Variants in RABGAP1L observed in about 807,000 individuals in gnomAD.
RABGAP1L encodes the protein rab GTPase-activating protein 1-like.
A neutral mutation model predicts 137.7 loss-of-function variants in RABGAP1L; 63 were observed. That is an observed-to-expected ratio of 0.46 (90% CI 0.37 to 0.56). The LOEUF (loss-of-function observed/expected upper bound fraction) is 0.56. Among genes scored for constraint, RABGAP1L ranks in the 20% least tolerant of loss-of-function variants. RABGAP1L has a pLI of 0.00. For missense variants in RABGAP1L, 1,095 were observed against 1,244.0 expected, an observed-to-expected ratio of 0.88 and a Z score of 1.80; for synonymous variants, 431 against 433.7, an observed-to-expected ratio of 0.99 and a Z score of 0.08.
intron 15 of RABGAP1L, among the ~76,000 whole-genome samples, chr1:174,689,275 G>A (rs1486555367): frequency 1.3e-5 from 2 of 151,862 alleles, no homozygotes; most frequent in Non-Finnish European, 2.9e-5. Flanking sequence ...ACCTATTACA[G>A]ATTCCAGAGT....
chr1:174,892,524 C>T lies in RABGAP1L; in HGVS notation c.2341-64933C>T, dbSNP rs920136344. ...TTACTGGTTTTCACAAAAGTTTCTC[C>T]AAGTTTCAATAGTCTTAGCTTTGAA... On this transcript the variant is annotated intron_variant, in intron 19 of 25. Coordinates refer to ENST00000681986, the MANE Select transcript of RABGAP1L (RefSeq NM_001366446.1). 1.2e-5 allele frequency: 6 copies of T among 510,252 alleles called. No individual in the cohort carries two copies. The African/African-American group carries it at 1.2e-4, about 10-fold the overall frequency. The allele number at this position is 510,252 out of a possible 1,614,324, so 31.6% of individuals were successfully genotyped here.
chr1:174,756,772 G>T (rs576745602), intron 18 of RABGAP1L: 2 of 432,396 alleles, frequency 4.6e-6, no homozygotes, highest in Middle Eastern at 8.2e-4. Context: ...CTTTTCCTTT[G>T]TTGAGGACAG....
intron 14 of RABGAP1L, among the ~76,000 whole-genome samples, chr1:174,665,369 C>T (rs1297762840): frequency 6.6e-6 from 1 of 151,576 alleles, no homozygotes; most frequent in African/African-American, 2.4e-5. Flanking sequence ...TTCCTTCTTC[C>T]TTTTCTTTTC....
At chr1:174,256,707 G>A (rs1311172668) in intron 7 of RABGAP1L, among the ~76,000 whole-genome samples, 1 of 152,174 alleles carries the variant, frequency 6.6e-6, no homozygotes, top group Non-Finnish European at 1.5e-5. Context: ...CTTGAACCCG[G>A]GAAGTGGTGG....
intron 17 of RABGAP1L, among the ~76,000 whole-genome samples, chr1:174,711,515 TGG>T (rs754245315): frequency 5.3e-5 from 8 of 152,202 alleles, no homozygotes; most frequent in Middle Eastern, 6.8e-3. Flanking sequence ...CTGCTGGCCC[TGG>T]GCAGTGAGGT....
intron 1 of RABGAP1L, among the ~76,000 whole-genome samples, chr1:174,174,383 T>C (rs1665668937): frequency 1.3e-5 from 2 of 152,332 alleles, no homozygotes; most frequent in South Asian, 4.1e-4. Flanking sequence ...ATATGTCCTG[T>C]ATAGTATATA....
intron 19 of RABGAP1L, among the ~76,000 whole-genome samples, chr1:174,923,645 G>C (rs1413378314): frequency 1.3e-5 from 2 of 152,140 alleles, no homozygotes. Context: ...CACTTTGGGA[G>C]CCCAGGCGGG....
At chr1:174,460,164 G>A (rs1328412039) in intron 13 of RABGAP1L, among the ~76,000 whole-genome samples, 5 of 152,036 alleles carry the variant, frequency 3.3e-5, no homozygotes, top group African/African-American at 1.2e-4. Context: ...AAAAGGATGA[G>A]TTATAGCAAA....
At position 174,460,648 on chromosome 1, in the gene RABGAP1L, T is replaced by G. The variant is rs950855289; in HGVS notation, c.1710+66503T>G. ...TTGCCAAATTGGTTTCCCAAAGGAG[T>G]GATCCAGTTTATCTTCACACTAATA... On this transcript the variant is annotated intron_variant, in intron 13 of 25. Coordinates refer to ENST00000681986, the MANE Select transcript of RABGAP1L (RefSeq NM_001366446.1). 1.6e-4 allele frequency among the ~76,000 whole-genome samples: 24 copies of G among 152,186 alleles called. No homozygotes were observed. In the East Asian group the frequency reaches 4.4e-3, roughly 28 times the overall value.
At chr1:174,162,431 G>C (rs1333075965) in intron 1 of RABGAP1L, among the ~76,000 whole-genome samples, 3 of 152,146 alleles carry the variant, frequency 2.0e-5, no homozygotes, top group African/African-American at 7.2e-5. Context: ...ATATGTGTGG[G>C]AGATAGCTAG....
intron 19 of RABGAP1L, among the ~76,000 whole-genome samples, chr1:174,819,094 G>T (rs1384234563): frequency 6.7e-6 from 1 of 149,886 alleles, no homozygotes. Flanking sequence ...GAAGTGGAAG[G>T]TTGGCTTGAG....
rs116558085 is a variant in RABGAP1L, at chr1:174,748,899, G to A, written c.2170-3414G>A. Among the ~76,000 whole-genome samples the A allele has an allele frequency of 3.0e-3, 457 of 151,646 alleles. 4 individuals carry two copies. Among genetic ancestry groups the A allele is most frequent in the African/African-American group, 0.011 (444 of 41,392 alleles). ...TTAAAAAAAAAAAAGACATCAGTCC[G>A]GGTGCGCTGGCTCACACATGTAATC... On this transcript the variant is annotated intron_variant, in intron 17 of 25. Coordinates refer to ENST00000681986, the MANE Select transcript of RABGAP1L (RefSeq NM_001366446.1).
intron 18 of RABGAP1L, among the ~76,000 whole-genome samples, chr1:174,804,274 G>GTTTTT (rs1553254972): frequency 1.4e-4 from 19 of 138,200 alleles, no homozygotes; most frequent in East Asian, 1.1e-3. Context: ...GTTTTGTTTT[G>GTTTTT]TTTTTTGTTT....
chr1:174,210,436 C>G (rs566456833), intron 1 of RABGAP1L, among the ~76,000 whole-genome samples: 3 of 152,246 alleles, frequency 2.0e-5, no homozygotes, highest in South Asian at 4.2e-4. Flanking sequence ...TTGAAAAATG[C>G]TGTTGACACA....
chr1:174,636,624 CA>C (rs1193536475), intron 13 of RABGAP1L, among the ~76,000 whole-genome samples: 1 of 151,744 alleles, frequency 6.6e-6, no homozygotes, highest in East Asian at 1.9e-4. Flanking sequence ...GAAAGATTGA[CA>C]GTATTTTTAC....
intron 1 of RABGAP1L, among the ~76,000 whole-genome samples, chr1:174,160,370 A>C (rs953968306): frequency 6.6e-6 from 1 of 152,196 alleles, no homozygotes; most frequent in Non-Finnish European, 1.5e-5. Context: ...CCAACGGTAC[A>C]GGGCTGGGCA....
intron 13 of RABGAP1L, among the ~76,000 whole-genome samples, chr1:174,471,015 C>A (rs1657862814): frequency 6.8e-6 from 1 of 147,038 alleles, no homozygotes; most frequent in East Asian, 1.9e-4. Context: ...AGCATGGTGG[C>A]TTATACATAG....
chr1:174,913,746 A>C (rs1040119390), intron 19 of RABGAP1L, among the ~76,000 whole-genome samples: 8 of 152,328 alleles, frequency 5.3e-5, no homozygotes, highest in Non-Finnish European at 8.8e-5. Flanking sequence ...GTAAAGTTTC[A>C]ATGGAGTAAT....
chr1:174,683,567 T>G lies in RABGAP1L; in HGVS notation c.1870T>G (p.Ser624Ala). Reference protein sequence around the residue: ...DEDIGYCQGQSFLAAVLLLHM... With the variant: ...DEDIGYCQGQAFLAAVLLLHM... The stretch of plus-strand genomic sequence containing the variant: ...AGACATTGGGTACTGTCAAGGGCAG[T>G]CTTTTCTTGCTGCTGTATTACTGCT... The change falls in exon 15 of 26, where the codon TCT becomes GCT. Residue 624 changes from serine (S) to alanine (A), a missense_variant. Coordinates refer to ENST00000681986, the MANE Select transcript of RABGAP1L (RefSeq NM_001366446.1). The G allele has an allele frequency of 6.2e-7, 1 of 1,609,576 alleles. No individual in the cohort carries two copies. Among genetic ancestry groups the G allele is most frequent in the Non-Finnish European group, 8.5e-7 (1 of 1,175,894 alleles).
Sources: gnomAD v4.1 joint callset for allele counts (sites outside exome capture counted in the v4.1 genomes callset) on GRCh38, gnomAD v4.1.1 for gene constraint, MANE v1.5 for transcripts, NCBI Gene and HGNC (gene_info 2026-07-23, HGNC 2026-07-21) for gene names.